PLCZ1: variants seen among roughly 807,000 people sequenced by gnomAD.
PLCZ1 encodes 1-phosphatidylinositol 4,5-bisphosphate phosphodiesterase zeta-1.
In PLCZ1, 64 loss-of-function variants were observed where a neutral mutation model predicts 76.8. That is an observed-to-expected ratio of 0.83 (90% CI 0.68 to 1.03). The LOEUF is 1.03. PLCZ1 is among the 50% of genes least tolerant of loss of function. The pLI is 0.00. For synonymous variants in PLCZ1, 248 were observed against 230.8 expected (o/e 1.07, Z -0.68); for missense variants, 751 against 713.7 (o/e 1.05, Z -0.60).
At chr12:18,711,946 A>T (rs1957396733) in intron 6 of PLCZ1, among the ~76,000 whole-genome samples, 1 of 152,086 alleles carries the variant, frequency 6.6e-6, no homozygotes, top group Admixed American at 6.6e-5. Flanking sequence ...TATCTTTGAA[A>T]TATTTATTTT....
In PLCZ1 at chr12:18,737,346, G is replaced by T. The variant is rs200257961; in HGVS notation, c.11+15C>A. ...GAAAGAAGAAGAGGAGCAGAAAGAA[G>T]CTCTCAATGGATATCTCATTTCCAT... On this transcript the variant is annotated intron_variant, in intron 2 of 14. Coordinates refer to ENST00000266505, the MANE Select transcript of PLCZ1 (RefSeq NM_033123.4). The T allele has an allele frequency of 1.4e-3, 2,311 of 1,611,538 alleles. 7 individuals carry two copies. The highest frequency in any genetic ancestry group is 1.8e-3 in the Non-Finnish European group (2,091 of 1,177,694).
At chr12:18,657,510 GAAAGATTTCT>G in the PLCZ1 span, among the ~76,000 whole-genome samples, 1 of 152,112 alleles carries the variant, frequency 6.6e-6, no homozygotes, top group Non-Finnish European at 1.5e-5. Flanking sequence ...TGCAAAGGCT[GAAAGATTTCT>G]AATTTTTTGT....
At chr12:18,699,130 CAG>C (rs2137230243) in intron 10 of PLCZ1, among the ~76,000 whole-genome samples, 1 of 152,230 alleles carries the variant, frequency 6.6e-6, no homozygotes, top group South Asian at 2.1e-4. Context: ...AAGGAAGATG[CAG>C]AGACAGATGG....
intron 3 of PLCZ1, among the ~76,000 whole-genome samples, chr12:18,728,821 A>G (rs1457929236): frequency 1.3e-5 from 2 of 152,276 alleles, no homozygotes; most frequent in East Asian, 3.9e-4. Context: ...CAGGGAATGT[A>G]ACATTAGAAG....
chr12:18,650,297 CTCTCTCT>C, the PLCZ1 span, among the ~76,000 whole-genome samples: 1 of 12,692 alleles, frequency 7.9e-5, no homozygotes, highest in African/African-American at 3.9e-4. Flanking sequence ...CCAAATTTCT[CTCTCTCT>C]CTCTCTCTCT....
chr12:18,677,566 A>G, the PLCZ1 span, among the ~76,000 whole-genome samples: 58,463 of 151,928 alleles, frequency 0.38, 13,974 homozygotes, highest in South Asian at 0.59. Context: ...TCACTGGCTG[A>G]GGACCTAATG....
chr12:18,734,531 A>G (rs1017436167), intron 3 of PLCZ1, among the ~76,000 whole-genome samples: 3 of 152,110 alleles, frequency 2.0e-5, no homozygotes, highest in African/African-American at 2.4e-5. Context: ...TTGTGTTTTT[A>G]GTAGAGACGA....
At chr12:18,689,311 A>G (rs956045731) in intron 12 of PLCZ1, among the ~76,000 whole-genome samples, 1 of 152,178 alleles carries the variant, frequency 6.6e-6, no homozygotes, top group East Asian at 1.9e-4. Context: ...GAAAAACATA[A>G]TTGAATATGA....
chr12:18,718,706 C>G (rs1363653517), intron 5 of PLCZ1, among the ~76,000 whole-genome samples: 1 of 152,196 alleles, frequency 6.6e-6, no homozygotes, highest in African/African-American at 2.4e-5. Flanking sequence ...CCCACAGTCA[C>G]TTTCTATCAC....
intron 13 of PLCZ1, among the ~76,000 whole-genome samples, chr12:18,685,161 A>G (rs1224875560): frequency 6.6e-6 from 1 of 152,060 alleles, no homozygotes; most frequent in Non-Finnish European, 1.5e-5. Flanking sequence ...TGAAAGCTAG[A>G]TAACAAACTA....
chr12:18,715,267 A>C (rs1273177185), intron 5 of PLCZ1, among the ~76,000 whole-genome samples: 1 of 147,094 alleles, frequency 6.8e-6, no homozygotes, highest in Admixed American at 6.9e-5. Flanking sequence ...AGTTGGAAGA[A>C]CCCTGATGAG....
chr12:18,719,287 T>C (rs992432715), intron 5 of PLCZ1, 144 bp downstream of exon 5: 11 of 448,190 alleles, frequency 2.5e-5, no homozygotes, highest in African/African-American at 2.2e-4. Flanking sequence ...TCAAGATATG[T>C]ACAAGTAAAA....
At chr12:18,702,608 C>T (rs1448459966) in intron 7 of PLCZ1, among the ~76,000 whole-genome samples, 2 of 152,062 alleles carry the variant, frequency 1.3e-5, no homozygotes, top group Non-Finnish European at 1.5e-5. Context: ...CCTTATGATA[C>T]TCTCCACTGC....
chr12:18,650,325 C>CTA, the PLCZ1 span, among the ~76,000 whole-genome samples: 620 of 74,672 alleles, frequency 8.3e-3, 1 homozygote, highest in Non-Finnish European at 9.8e-3. Flanking sequence ...CTCTCTCTCT[C>CTA]TCTCTCTATA....
chr12:18,651,119 C>T, the PLCZ1 span, among the ~76,000 whole-genome samples: 1 of 152,004 alleles, frequency 6.6e-6, no homozygotes, highest in South Asian at 2.1e-4. Context: ...ATTATATCCT[C>T]CTATGCTTAT....
intron 12 of PLCZ1, among the ~76,000 whole-genome samples, chr12:18,689,997 C>G (rs969091792): frequency 1.3e-5 from 2 of 152,128 alleles, no homozygotes; most frequent in Non-Finnish European, 2.9e-5. Flanking sequence ...CCAGTTACAC[C>G]TCAACAAGAG....
chr12:18,700,347 T>G (rs1221646015), intron 9 of PLCZ1, among the ~76,000 whole-genome samples: 1 of 151,904 alleles, frequency 6.6e-6, no homozygotes, highest in Non-Finnish European at 1.5e-5. Context: ...TCTTTTACAC[T>G]TCTTTTTAGC....
At chr12:18,650,686 GTGTGTGTGTGTGTGTGTGTATATATCTA>G in the PLCZ1 span, among the ~76,000 whole-genome samples, 28 of 43,994 alleles carry the variant, frequency 6.4e-4, 1 homozygote, top group South Asian at 4.5e-3. Context: ...GTGTGTGTGT[GTGTGTGTGTGTGTGTGTGTATATATCTA>G]TATATATATA....
chr12:18,691,248 CA>C (rs2137119876), intron 12 of PLCZ1, among the ~76,000 whole-genome samples: 1 of 152,118 alleles, frequency 6.6e-6, no homozygotes, highest in Non-Finnish European at 1.5e-5. Flanking sequence ...AAGAATGGGG[CA>C]ATTTGTTGAC....
Sources: allele counts gnomAD v4.1 joint callset (sites outside exome capture counted in the v4.1 genomes callset), GRCh38; gene constraint gnomAD v4.1.1; transcripts MANE v1.5; gene names NCBI Gene and HGNC (gene_info 2026-07-23, HGNC 2026-07-21).